Variants in EXOC4 observed in about 807,000 individuals in gnomAD.
EXOC4 encodes the protein exocyst complex component 4, also known as SEC8-like 1.
EXOC4 carries 71 observed loss-of-function variants against 107.2 expected under a neutral mutation model. That is an observed-to-expected ratio of 0.66 (90% CI 0.55 to 0.81). The LOEUF is 0.81. Among genes scored for constraint, EXOC4 ranks in the 30% least tolerant of loss-of-function variants. The pLI is 0.00. For missense variants in EXOC4, 1,108 were observed against 1,189.6 expected (o/e 0.93, Z 1.01); for synonymous variants, 456 against 441.2 (o/e 1.03, Z -0.42).
the EXOC4 span, among the ~76,000 whole-genome samples, chr7:134,074,719 G>T: frequency 1.3e-5 from 2 of 152,174 alleles, no homozygotes; most frequent in Non-Finnish European, 2.9e-5. Flanking sequence ...CCAAGTGGAG[G>T]GATAGAGGCA....
At chr7:133,724,083 TA>T (rs1795165152) in intron 10 of EXOC4, among the ~76,000 whole-genome samples, 1 of 152,342 alleles carries the variant, frequency 6.6e-6, no homozygotes, top group Admixed American at 6.5e-5. Context: ...AAATCTTACA[TA>T]ATTATTAACA....
In EXOC4 at chr7:133,257,592, G is replaced by A. The variant is rs149804176; in HGVS notation, c.86+4405G>A. Among the ~76,000 whole-genome samples, 931 of 152,298 alleles carry A rather than the reference G, an allele frequency of 6.1e-3. 9 individuals carry two copies. The highest frequency in any genetic ancestry group is 0.021 in the African/African-American group (889 of 41,562). On this transcript the variant is annotated intron_variant, in intron 1 of 17. Coordinates refer to ENST00000253861, the MANE Select transcript of EXOC4 (RefSeq NM_021807.4). ...TAGGTGATTTGCTTTCCAATTAAAT[G>A]TTGTGTCACTTTATAACTTGGCCTG...
chr7:133,470,182 A>C (rs933628236), intron 7 of EXOC4, among the ~76,000 whole-genome samples: 2 of 152,202 alleles, frequency 1.3e-5, no homozygotes, highest in African/African-American at 4.8e-5. Context: ...TAAATGGAGA[A>C]GCTAAAGACA....
intron 9 of EXOC4, among the ~76,000 whole-genome samples, chr7:133,614,295 G>T (rs972557914): frequency 1.3e-5 from 2 of 152,254 alleles, no homozygotes; most frequent in Middle Eastern, 3.4e-3. Flanking sequence ...GTCTGGAAGG[G>T]AAAAGATGAA....
At chr7:133,902,406 C>G (rs1799472763) in intron 12 of EXOC4, among the ~76,000 whole-genome samples, 1 of 152,122 alleles carries the variant, frequency 6.6e-6, no homozygotes, top group Admixed American at 6.5e-5. Flanking sequence ...TCTAGAATTC[C>G]ATTTATTCAA....
At chr7:134,023,361 C>T (rs1277152719) in intron 17 of EXOC4, among the ~76,000 whole-genome samples, 4 of 152,060 alleles carry the variant, frequency 2.6e-5, no homozygotes, top group Non-Finnish European at 5.9e-5. Flanking sequence ...ATTTATAGCT[C>T]TATAATTGTC....
At chr7:133,374,180 T>A (rs1796436340) in intron 6 of EXOC4, among the ~76,000 whole-genome samples, 1 of 152,222 alleles carries the variant, frequency 6.6e-6, no homozygotes, top group Non-Finnish European at 1.5e-5. Flanking sequence ...ACTGCAACCT[T>A]ATTTTGTGTC....
chr7:133,918,497 A>G (rs943396982), intron 13 of EXOC4, among the ~76,000 whole-genome samples: 2 of 152,224 alleles, frequency 1.3e-5, no homozygotes, highest in Non-Finnish European at 2.9e-5. Context: ...TAGAACTGTC[A>G]GTTGGACTTT....
chr7:133,475,220 C>G, intron 7 of EXOC4, 108 bp from the exon 8 acceptor site: 1 of 939,390 alleles, frequency 1.1e-6, no homozygotes, highest in Non-Finnish European at 1.6e-6. Flanking sequence ...TTAATATACT[C>G]CTGAATGTTG....
chr7:133,688,990 G>C (rs1794364592), intron 10 of EXOC4, among the ~76,000 whole-genome samples: 1 of 152,066 alleles, frequency 6.6e-6, no homozygotes, highest in African/African-American at 2.4e-5. Context: ...TCATTCCCTT[G>C]TAGCCACCCT....
At chr7:133,513,363 C>T (rs988050131) in intron 9 of EXOC4, among the ~76,000 whole-genome samples, 6 of 151,998 alleles carry the variant, frequency 3.9e-5, no homozygotes, top group South Asian at 2.1e-4. Context: ...CCACCACACC[C>T]GGCTTGATAT....
intron 10 of EXOC4, among the ~76,000 whole-genome samples, chr7:133,719,601 A>T (rs1008703169): frequency 6.6e-6 from 1 of 151,688 alleles, no homozygotes; most frequent in Non-Finnish European, 1.5e-5. Context: ...GCTGCTCTTC[A>T]TCATTGTGTG....
At chr7:133,984,354 T>C (rs1794065550) in intron 14 of EXOC4, among the ~76,000 whole-genome samples, 1 of 152,224 alleles carries the variant, frequency 6.6e-6, no homozygotes, top group Admixed American at 6.5e-5. Context: ...TGAATCTCCT[T>C]TGTTCTTTCT....
downstream of EXOC4, chr7:134,065,892 G>A (rs914235469): frequency 5.9e-5 from 9 of 152,168 alleles, no homozygotes; most frequent in African/African-American, 2.2e-4. Flanking sequence ...TAAGAGTGTG[G>A]GAACTGGACT....
chr7:134,018,596 C>CATAT (rs1445556236), intron 17 of EXOC4, among the ~76,000 whole-genome samples: 1 of 152,124 alleles, frequency 6.6e-6, no homozygotes, highest in Non-Finnish European at 1.5e-5. Context: ...GTGCCTGGCC[C>CATAT]ATATCACTTG....
At chr7:134,072,194 G>T in the EXOC4 span, among the ~76,000 whole-genome samples, 1 of 152,188 alleles carries the variant, frequency 6.6e-6, no homozygotes, top group South Asian at 2.1e-4. Flanking sequence ...TCAACATGTT[G>T]CCTTAGCCTT....
chr7:133,510,324 A>G (rs1299074208), intron 9 of EXOC4, among the ~76,000 whole-genome samples: 1 of 152,180 alleles, frequency 6.6e-6, no homozygotes, highest in Non-Finnish European at 1.5e-5. Flanking sequence ...ATTGAACAGT[A>G]TTTTATTGAA....
chr7:133,297,186 T>A (rs1413912712), intron 3 of EXOC4, among the ~76,000 whole-genome samples: 1 of 152,224 alleles, frequency 6.6e-6, no homozygotes, highest in East Asian at 1.9e-4. Context: ...AATGAGTATT[T>A]GGCTTTTATT....
the EXOC4 span, among the ~76,000 whole-genome samples, chr7:134,090,895 C>T: frequency 6.6e-6 from 1 of 151,992 alleles, no homozygotes; most frequent in Admixed American, 6.6e-5. Context: ...AGAGGGGCCT[C>T]TAACCCACTC....
Sources: allele counts gnomAD v4.1 joint callset (sites outside exome capture counted in the v4.1 genomes callset), GRCh38; gene constraint gnomAD v4.1.1; transcripts MANE v1.5; gene names NCBI Gene and HGNC (gene_info 2026-07-23, HGNC 2026-07-21).